Variants in SYT16 observed in about 807,000 individuals in gnomAD.
The protein encoded by SYT16 is synaptotagmin 16, also known as synaptotagmin-16.
Under a neutral mutation model 61.4 loss-of-function variants are expected in SYT16, and 42 were observed. That is an observed-to-expected ratio of 0.68 (90% CI 0.53 to 0.89). The LOEUF is 0.89. SYT16 is among the 40% of genes least tolerant of loss of function. SYT16 has a pLI of 0.00. For synonymous variants in SYT16, 314 were observed against 302.3 expected, an observed-to-expected ratio of 1.04 and a Z score of -0.40; for missense variants, 804 against 807.3, an observed-to-expected ratio of 1.00 and a Z score of 0.05.
intron 3 of SYT16, among the ~76,000 whole-genome samples, chr14:62,006,679 G>A (rs1430854701): frequency 3.9e-5 from 6 of 152,124 alleles, no homozygotes; most frequent in East Asian, 1.9e-4. Context: ...CCCAAGATAG[G>A]CTTTTTGGTT....
intron 1 of SYT16, among the ~76,000 whole-genome samples, chr14:61,845,038 A>ATTTT (rs2046402461): frequency 1.6e-5 from 2 of 121,552 alleles, no homozygotes; most frequent in African/African-American, 3.7e-5. Flanking sequence ...TTACTAGAAG[A>ATTTT]CTTTTTTTTT....
chr14:61,840,709 T>G (rs186130051), intron 1 of SYT16, among the ~76,000 whole-genome samples: 3 of 152,304 alleles, frequency 2.0e-5, no homozygotes, highest in Admixed American at 1.3e-4. Flanking sequence ...GCTTCCATGT[T>G]AGTGTTAGCT....
chr14:62,087,964 T>A (rs763971527), intron 7 of SYT16, among the ~76,000 whole-genome samples: 1 of 152,080 alleles, frequency 6.6e-6, no homozygotes, highest in Non-Finnish European at 1.5e-5. Context: ...ATGGCTAAAA[T>A]GAAAAATTTG....
chr14:61,842,694 C>A (rs1008286082), intron 1 of SYT16, among the ~76,000 whole-genome samples: 7 of 150,912 alleles, frequency 4.6e-5, no homozygotes, highest in Non-Finnish European at 5.9e-5. Flanking sequence ...CAAACACCGC[C>A]TGTTCTCACT....
chr14:61,827,045 C>T (rs2045794536), intron 1 of SYT16, among the ~76,000 whole-genome samples: 1 of 150,366 alleles, frequency 6.7e-6, no homozygotes, highest in Admixed American at 6.6e-5. Context: ...CTTTAAAGGC[C>T]CCATCTCTAA....
At chr14:61,954,325 T>A (rs1036904085) in intron 1 of SYT16, among the ~76,000 whole-genome samples, 1 of 147,130 alleles carries the variant, frequency 6.8e-6, no homozygotes, top group Admixed American at 6.7e-5. Context: ...TTTTTTTTTT[T>A]ACCCCTTCAC....
At chr14:61,928,536 C>T (rs1356957706) in intron 1 of SYT16, among the ~76,000 whole-genome samples, 2 of 152,090 alleles carry the variant, frequency 1.3e-5, no homozygotes, top group Non-Finnish European at 2.9e-5. Context: ...GATCTCTAGT[C>T]ATCAGAAATC....
Position 62,101,889 on chromosome 14 carries a change from T to C in SYT16, c.*1182T>C, listed in dbSNP as rs1384066189. 2 of 152,244 alleles carry C rather than the reference T, an allele frequency of 1.3e-5. No individual in the cohort carries two copies. Among genetic ancestry groups the C allele is most frequent in the Non-Finnish European group, 2.9e-5 (2 of 68,038 alleles). 9.4% of individuals were successfully genotyped at this position (152,244 alleles called of 1,614,324 possible). A position where few individuals can be genotyped will look rare whatever the true frequency, so the allele number is the denominator to read the frequency against. The stretch of plus-strand genomic sequence containing the variant: ...GCATGTGCCATTCAGAATACTGATC[T>C]TGTATGGTTATGAGCATGGGATTTT... On this transcript the variant is annotated 3_prime_UTR_variant, in exon 8 of 8. Transcript: ENST00000683842.
chr14:61,932,986 C>T (rs1299737199), intron 1 of SYT16, among the ~76,000 whole-genome samples: 1 of 152,190 alleles, frequency 6.6e-6, no homozygotes, highest in Non-Finnish European at 1.5e-5. Flanking sequence ...CAGCTATATA[C>T]AAAAGCATTA....
At chr14:61,897,177 C>T (rs1356820938) in intron 1 of SYT16, 1 of 152,204 alleles carries the variant, frequency 6.6e-6, no homozygotes, top group African/African-American at 2.4e-5. Context: ...TTTCACACTA[C>T]ATTGGCAGAG....
intron 2 of SYT16, among the ~76,000 whole-genome samples, chr14:61,993,417 T>A (rs1335081544): frequency 6.6e-6 from 1 of 151,876 alleles, no homozygotes; most frequent in Non-Finnish European, 1.5e-5. Flanking sequence ...ATCCCAGAAC[T>A]GAAATAAAAA....
intron 1 of SYT16, among the ~76,000 whole-genome samples, chr14:61,962,665 A>G (rs1177162320): frequency 6.6e-6 from 1 of 152,040 alleles, no homozygotes; most frequent in Non-Finnish European, 1.5e-5. Context: ...AGAGTGTCTC[A>G]TGAGTCTTGT....
chr14:61,825,926 A>G (rs899648257), intron 1 of SYT16, among the ~76,000 whole-genome samples: 3 of 152,232 alleles, frequency 2.0e-5, no homozygotes, highest in Non-Finnish European at 4.4e-5. Flanking sequence ...ACTTTTGCAG[A>G]GTGAAAATTG....
intron 1 of SYT16, among the ~76,000 whole-genome samples, chr14:61,932,339 A>T (rs558908978): frequency 6.6e-6 from 1 of 152,206 alleles, no homozygotes; most frequent in Non-Finnish European, 1.5e-5. Flanking sequence ...TCACACTGCT[A>T]TAAAGAACTG....
At chr14:62,098,214 A>T (rs1168198868) in intron 7 of SYT16, among the ~76,000 whole-genome samples, 1 of 152,246 alleles carries the variant, frequency 6.6e-6, no homozygotes, top group Non-Finnish European at 1.5e-5. Context: ...CGCTTTAAAA[A>T]GTTTGACTGG....
At chr14:61,901,881 C>G (rs952310018) in intron 1 of SYT16, among the ~76,000 whole-genome samples, 3 of 151,946 alleles carry the variant, frequency 2.0e-5, no homozygotes, top group Non-Finnish European at 2.9e-5. Flanking sequence ...CCTGTCTCAG[C>G]CTCCAGAGTA....
At chr14:61,820,626 T>C (rs2140215300) in intron 1 of SYT16, among the ~76,000 whole-genome samples, 1 of 152,008 alleles carries the variant, frequency 6.6e-6, no homozygotes, top group East Asian at 1.9e-4. Flanking sequence ...GGATTACAAG[T>C]GCCTGCCACC....
At chr14:62,060,713 TC>T (rs1292099939) in intron 3 of SYT16, among the ~76,000 whole-genome samples, 1 of 151,994 alleles carries the variant, frequency 6.6e-6, no homozygotes, top group African/African-American at 2.4e-5. Context: ...TTATTGGATT[TC>T]TTTTTTTAAT....
intron 3 of SYT16, among the ~76,000 whole-genome samples, chr14:62,017,358 C>T (rs966488639): frequency 6.6e-6 from 1 of 152,130 alleles, no homozygotes; most frequent in Non-Finnish European, 1.5e-5. Context: ...ATCATCACAT[C>T]CTAATCTCAT....
Sources: allele counts gnomAD v4.1 joint callset (sites outside exome capture counted in the v4.1 genomes callset), GRCh38; gene constraint gnomAD v4.1.1; transcripts MANE v1.5; gene names NCBI Gene and HGNC (gene_info 2026-07-23, HGNC 2026-07-21).